RRM1: variants seen among roughly 807,000 people sequenced by gnomAD.
RRM1 encodes the protein ribonucleoside-diphosphate reductase large subunit.
In RRM1, 19 loss-of-function variants were observed where a neutral mutation model predicts 101.5. The ratio of observed to expected loss-of-function variants is 0.19; its 90% CI spans 0.13 to 0.27. The LOEUF is 0.27. Ranked by LOEUF, RRM1 falls within the 10% of genes least tolerant of loss-of-function variation. The pLI is 1.00. For missense variants in RRM1, 500 were observed against 962.9 expected, an observed-to-expected ratio of 0.52 and a Z score of 6.36; for synonymous variants, 298 against 323.4, an observed-to-expected ratio of 0.92 and a Z score of 0.84.
intron 12 of RRM1, among the ~76,000 whole-genome samples, chr11:4,124,923 T>TA (rs34561819): frequency 2.7e-3 from 162 of 59,756 alleles, no homozygotes; most frequent in East Asian, 0.016. Flanking sequence ...TTATTTTATT[T>TA]TTTTTTTTTT....
chr11:4,130,087 T>TATATATATATATATATATATATATA (rs869309117), intron 15 of RRM1, among the ~76,000 whole-genome samples: 15 of 61,606 alleles, frequency 2.4e-4, no homozygotes, highest in African/African-American at 7.0e-4. Flanking sequence ...TATATATATA[T>TATATATATATATATATATATATATA]TTTTTTTTTT....
At chr11:4,124,306 G>C (rs2094586248) in intron 12 of RRM1, among the ~76,000 whole-genome samples, 2 of 152,158 alleles carry the variant, frequency 1.3e-5, no homozygotes, top group South Asian at 4.1e-4. Flanking sequence ...CTAGTTGGAT[G>C]ACAGGCTGCT....
chr11:4,118,474 C>T lies in RRM1; in HGVS notation c.792+13C>T. 6.2e-7 allele frequency: 1 copy of T among 1,613,530 alleles called. No individual in the cohort carries two copies. The highest frequency in any genetic ancestry group is 8.5e-7 in the Non-Finnish European group (1 of 1,179,734). On this transcript the variant is annotated intron_variant, in intron 8 of 18. Coordinates refer to ENST00000300738, the MANE Select transcript of RRM1 (RefSeq NM_001033.5). ...CTACATTGCTGGGGTAGGTTTCTGCCATTTGACTTTTAAAGGGGGATTCAA... is the reference window on the plus strand; with the variant it reads ...CTACATTGCTGGGGTAGGTTTCTGCTATTTGACTTTTAAAGGGGGATTCAA...
chr11:4,110,334 G>T (rs2094563604), intron 5 of RRM1, among the ~76,000 whole-genome samples: 1 of 151,998 alleles, frequency 6.6e-6, no homozygotes, highest in African/African-American at 2.4e-5. Flanking sequence ...TGTATTTTTA[G>T]TAGAGACGGA....
chr11:4,126,099 G>C (rs1349070809), intron 12 of RRM1, among the ~76,000 whole-genome samples: 1 of 152,248 alleles, frequency 6.6e-6, no homozygotes, highest in African/African-American at 2.4e-5. Context: ...GCCTCGTGTA[G>C]TGGAGAAATC....
chr11:4,118,807 C>G (rs72555783), intron 8 of RRM1, among the ~76,000 whole-genome samples: 1 of 152,138 alleles, frequency 6.6e-6, no homozygotes, highest in Non-Finnish European at 1.5e-5. Flanking sequence ...CTTACTACAA[C>G]GCTATGAGGT....
At chr11:4,108,658 G>A (rs950101397) in intron 4 of RRM1, among the ~76,000 whole-genome samples, 1 of 148,120 alleles carries the variant, frequency 6.8e-6, no homozygotes, top group Non-Finnish European at 1.5e-5. Context: ...TGTATCTGAT[G>A]TTAAAGAGAC....
At chr11:4,104,349 C>A (rs553977211) in intron 2 of RRM1, among the ~76,000 whole-genome samples, 2 of 152,086 alleles carry the variant, frequency 1.3e-5, no homozygotes, top group African/African-American at 2.4e-5. Flanking sequence ...TAGTTACACA[C>A]GTATGTGTCT....
At chr11:4,130,086 A>ATATATATATTTTTTT (rs1202870487) in intron 15 of RRM1, among the ~76,000 whole-genome samples, 2 of 99,444 alleles carry the variant, frequency 2.0e-5, no homozygotes, top group African/African-American at 1.1e-4. Context: ...ATATATATAT[A>ATATATATATTTTTTT]TTTTTTTTTT....
At chr11:4,124,473 C>G (rs998991374) in intron 12 of RRM1, among the ~76,000 whole-genome samples, 9 of 152,122 alleles carry the variant, frequency 5.9e-5, no homozygotes, top group African/African-American at 2.2e-4. Flanking sequence ...TGTGCAGTAG[C>G]TATATGTAAA....
chr11:4,117,391 A>T (rs1313004605), intron 7 of RRM1, among the ~76,000 whole-genome samples: 5 of 152,256 alleles, frequency 3.3e-5, no homozygotes, highest in Non-Finnish European at 7.3e-5. Context: ...AATAATCCAG[A>T]TGTTCATCAA....
intron 6 of RRM1, 123 bp downstream of exon 6, chr11:4,111,763 T>C: frequency 8.3e-7 from 1 of 1,206,340 alleles, no homozygotes; most frequent in East Asian, 2.4e-5. Flanking sequence ...TTAGGTTTAG[T>C]TTGTGGATAA....
rs1309128417 is a variant in RRM1 at position 4,121,634 on chromosome 11, C to T, written c.907C>T (p.Pro303Ser). Residue 303 changes from proline to serine, a missense_variant, in exon 10 of 19, where the codon CCT (proline) becomes TCT (serine). Physicochemically the swap from Pro to Ser is moderately conservative, Grantham distance 74. Transcript: ENST00000300738. ...RPGAFAIYLE[P>S]WHLDIFEFLD... is the part of the protein sequence containing the mutation. ...TGGGGCATTTGCTATTTACCTGGAGCCTTGGCATTTAGACATCTTTGAATT... is the reference window on the plus strand; with the variant it reads ...TGGGGCATTTGCTATTTACCTGGAGTCTTGGCATTTAGACATCTTTGAATT... 1 of 1,613,528 alleles carries T rather than the reference C, an allele frequency of 6.2e-7. No homozygotes were observed. Among genetic ancestry groups the T allele is most frequent in the Non-Finnish European group, 8.5e-7 (1 of 1,179,718 alleles).
rs183846398 is a variant in RRM1 at position 4,098,896 on chromosome 11, G to A, written c.20-3097G>A. Among the ~76,000 whole-genome samples the A allele has an allele frequency of 2.4e-4, 37 of 152,314 alleles. No homozygotes were observed. The East Asian group carries it at 6.6e-3, about 27-fold the overall frequency. Reference sequence around the variant, plus strand: ...ATGAATGAGAAAATAACCTTGGATTGGGTAGCCAGGAAAGGCTTCTCTGAG... The same window carrying A: ...ATGAATGAGAAAATAACCTTGGATTAGGTAGCCAGGAAAGGCTTCTCTGAG... On this transcript the variant is annotated intron_variant, in intron 1 of 18. Coordinates refer to ENST00000300738, the MANE Select transcript of RRM1 (RefSeq NM_001033.5).
At chr11:4,111,402 C>T (rs546989204) in intron 5 of RRM1, among the ~76,000 whole-genome samples, 199 bp from the exon 6 acceptor site, 152 of 143,976 alleles carry the variant, frequency 1.1e-3, no homozygotes, top group Non-Finnish European at 1.4e-3. Flanking sequence ...CAGAGCGAGA[C>T]TCTGTCTCAA....
intron 12 of RRM1, among the ~76,000 whole-genome samples, chr11:4,123,725 T>C (rs2094585289): frequency 6.6e-6 from 1 of 152,204 alleles, no homozygotes; most frequent in Non-Finnish European, 1.5e-5. Context: ...TATGTAAGCC[T>C]TGAGCCTGGA....
intron 9 of RRM1, 150 bp from the exon 10 acceptor site, chr11:4,121,454 G>C (rs1306228969): frequency 1.0e-5 from 5 of 491,010 alleles, no homozygotes; most frequent in African/African-American, 2.0e-5. Flanking sequence ...ATTATATATG[G>C]AAAACTTACA....
rs142692071 is a variant in RRM1 at position 4,127,586 on chromosome 11, C to A, written c.1692+330C>A. Among the ~76,000 whole-genome samples, 210 of 152,276 alleles carry A rather than the reference C, an allele frequency of 1.4e-3. 1 individual carries two copies. The highest frequency in any genetic ancestry group is 4.8e-3 in the African/African-American group (201 of 41,556). On this transcript the variant is annotated intron_variant, in intron 14 of 18. Transcript: ENST00000300738. ...ACTAGAAGTTATAAGAGGCAAGGAA[C>A]AGAATCTCTTCTAGTGCCTCTGGAG...
chr11:4,099,828 C>T (rs2094548681), intron 1 of RRM1, among the ~76,000 whole-genome samples: 1 of 151,312 alleles, frequency 6.6e-6, no homozygotes, highest in Non-Finnish European at 1.5e-5. Context: ...AGTCTGCCTC[C>T]TATTTTCAAG....
Sources: gnomAD v4.1 joint callset for allele counts (sites outside exome capture counted in the v4.1 genomes callset) on GRCh38, gnomAD v4.1.1 for gene constraint, MANE v1.5 for transcripts, NCBI Gene and HGNC (gene_info 2026-07-23, HGNC 2026-07-21) for gene names.